The following EPB41L3 variants were observed in gnomAD, a reference collection of about 807,000 sequenced individuals.
The protein encoded by EPB41L3 is band 4.1-like protein 3.
Under a neutral mutation model 127.1 loss-of-function variants are expected in EPB41L3, and 57 were observed. The ratio of observed to expected loss-of-function variants is 0.45; its 90% CI spans 0.36 to 0.56. The LOEUF is 0.56. EPB41L3 is among the 20% of genes least tolerant of loss of function. The probability of loss-of-function intolerance (pLI) is 0.00; values close to 1 mark genes in which losing one functional copy is unlikely to be tolerated. For missense variants in EPB41L3, 1,273 were observed against 1,372.2 expected, an observed-to-expected ratio of 0.93 and a Z score of 1.14; for synonymous variants, 572 against 549.5, an observed-to-expected ratio of 1.04 and a Z score of -0.57.
intron 16 of EPB41L3, among the ~76,000 whole-genome samples, chr18:5,403,682 A>G (rs974328929): frequency 1.8e-4 from 27 of 152,066 alleles, no homozygotes; most frequent in African/African-American, 5.8e-4. Context: ...CTGACACAAA[A>G]TAACCACTAC....
intron 1 of EPB41L3, among the ~76,000 whole-genome samples, chr18:5,501,097 C>T (rs1470330332): frequency 6.6e-6 from 1 of 151,948 alleles, no homozygotes; most frequent in African/African-American, 2.4e-5. Context: ...AAGACTCACA[C>T]AGCATGAATA....
chr18:5,589,338 T>C (rs980008853), intron 3 of EPB41L3, among the ~76,000 whole-genome samples: 1 of 148,174 alleles, frequency 6.7e-6, no homozygotes, highest in Non-Finnish European at 1.5e-5. Flanking sequence ...TACTTGAATC[T>C]CTTGTAAAAG....
chr18:5,490,657 T>C (rs2090480535), intron 1 of EPB41L3, among the ~76,000 whole-genome samples: 1 of 152,222 alleles, frequency 6.6e-6, no homozygotes, highest in Non-Finnish European at 1.5e-5. Flanking sequence ...ACTTTCTTTT[T>C]TCCTGTTATA....
At chr18:5,567,890 G>T (rs1328696435) in intron 3 of EPB41L3, among the ~76,000 whole-genome samples, 1 of 151,934 alleles carries the variant, frequency 6.6e-6, no homozygotes, top group African/African-American at 2.4e-5. Flanking sequence ...TTAATCCAGA[G>T]AATATTTTTT....
At chr18:5,396,582 T>C (rs1224985353) in intron 18 of EPB41L3, among the ~76,000 whole-genome samples, 1 of 152,158 alleles carries the variant, frequency 6.6e-6, no homozygotes, top group African/African-American at 2.4e-5. Context: ...TTCTATTTAA[T>C]AACTTCTTAG....
At chr18:5,578,689 A>T (rs2094361333) in intron 3 of EPB41L3, among the ~76,000 whole-genome samples, 1 of 152,210 alleles carries the variant, frequency 6.6e-6, no homozygotes. Context: ...AATGTAAATT[A>T]AACCCCAGTG....
intron 16 of EPB41L3, 169 bp from the exon 17 acceptor site, chr18:5,398,312 A>T: frequency 5.3e-6 from 4 of 759,908 alleles, no homozygotes; most frequent in South Asian, 1.8e-5. Context: ...AAAATAGAAA[A>T]CCAGGTGCTC....
intron 2 of EPB41L3, among the ~76,000 whole-genome samples, chr18:5,484,085 T>A (rs1599593794): frequency 0.019 from 73 of 3,810 alleles, no homozygotes; most frequent in Middle Eastern, 0.1. Flanking sequence ...CCAAACAAAC[T>A]CAAAAAAAAA....
At chr18:5,400,832 C>A (rs2074385441) in intron 16 of EPB41L3, 6 of 612,682 alleles carry the variant, frequency 9.8e-6, no homozygotes, top group Non-Finnish European at 1.7e-5. Context: ...TCCCCAGAAT[C>A]TAAATCAAAA....
At chr18:5,544,774 T>C (rs2093847263), upstream of EPB41L3, among the ~76,000 whole-genome samples, 1 of 152,208 alleles carries the variant, frequency 6.6e-6, no homozygotes. Flanking sequence ...AATTTGATTG[T>C]ACATTTTAAA....
intron 12 of EPB41L3, among the ~76,000 whole-genome samples, chr18:5,417,637 G>A (rs917835541): frequency 6.6e-6 from 1 of 152,062 alleles, no homozygotes. Flanking sequence ...GGGGAGAAGT[G>A]GTAAATATAG....
intron 1 of EPB41L3, among the ~76,000 whole-genome samples, chr18:5,489,873 T>C (rs1024305693): frequency 6.6e-6 from 1 of 152,106 alleles, no homozygotes; most frequent in Admixed American, 6.6e-5. Context: ...TTCCATTGAG[T>C]GTTGAAAGGT....
chr18:5,453,122 GC>G (rs769685361), intron 3 of EPB41L3, among the ~76,000 whole-genome samples: 476 of 152,328 alleles, frequency 3.1e-3, no homozygotes, highest in Middle Eastern at 6.8e-3. Context: ...AAGCAGGAAG[GC>G]ACAAATTGCG....
At position 5,397,529 on chromosome 18, in the gene EPB41L3, G is replaced by C; in HGVS notation, c.2473-103C>G. On this transcript the variant is annotated intron_variant, in intron 17 of 22. Transcript: ENST00000341928. The surrounding 1 kb of genome is among the most constrained non-coding windows in gnomAD (Gnocchi z 4.1). ...CCAGGATGTCTAAAGCCAGCAGCAA[G>C]TGCTTATAACCAGAAACACTGACGA... 1 of 1,391,448 alleles carries C rather than the reference G, an allele frequency of 7.2e-7. No individual in the cohort carries two copies. The highest frequency in any genetic ancestry group is 1.4e-5 in the South Asian group (1 of 71,378). The allele number at this position is 1,391,448 out of a possible 1,614,324, so 86.2% of individuals were successfully genotyped here. A position where few individuals can be genotyped will look rare whatever the true frequency, so the allele number is the denominator to read the frequency against.
chr18:5,615,319 T>C (rs2094780694), intron 1 of EPB41L3, among the ~76,000 whole-genome samples: 1 of 152,178 alleles, frequency 6.6e-6, no homozygotes, highest in African/African-American at 2.4e-5. Context: ...TGAATCGACT[T>C]TGGCTTGGGT....
chr18:5,560,641 C>A (rs1023941359), intron 3 of EPB41L3, among the ~76,000 whole-genome samples: 2 of 152,082 alleles, frequency 1.3e-5, no homozygotes, highest in African/African-American at 4.8e-5. Flanking sequence ...TTCTGAAAAC[C>A]GACATTTGTT....
At chr18:5,563,723 T>C (rs1334554196) in intron 3 of EPB41L3, among the ~76,000 whole-genome samples, 1 of 152,164 alleles carries the variant, frequency 6.6e-6, no homozygotes, top group Non-Finnish European at 1.5e-5. Flanking sequence ...GTGCCATTTT[T>C]TGATAAAGGA....
chr18:5,532,493 C>T (rs2093443011), intron 1 of EPB41L3, among the ~76,000 whole-genome samples: 2 of 152,216 alleles, frequency 1.3e-5, no homozygotes, highest in African/African-American at 4.8e-5. Flanking sequence ...TATCTCAGTA[C>T]TTTGATGAGT....
chr18:5,532,489 A>C (rs986136718), intron 1 of EPB41L3, among the ~76,000 whole-genome samples: 4 of 152,252 alleles, frequency 2.6e-5, no homozygotes, highest in Non-Finnish European at 5.9e-5. Flanking sequence ...TGTGTATCTC[A>C]GTACTTTGAT....
Sources: allele counts gnomAD v4.1 joint callset (sites outside exome capture counted in the v4.1 genomes callset), GRCh38; gene constraint gnomAD v4.1.1; non-coding constraint Gnocchi (gnomAD v3.1); transcripts MANE v1.5; gene names NCBI Gene and HGNC (gene_info 2026-07-23, HGNC 2026-07-21).